SLC2A14: variants seen among roughly 807,000 people sequenced by gnomAD.
SLC2A14 encodes solute carrier family 2 member 14.
A neutral mutation model predicts 43.0 loss-of-function variants in SLC2A14; 13 were observed. The ratio of observed to expected loss-of-function variants is 0.30; its 90% CI spans 0.20 to 0.48. SLC2A14 has a LOEUF of 0.48. Ranked by LOEUF, SLC2A14 falls within the 20% of genes least tolerant of loss-of-function variation. The probability of loss-of-function intolerance (pLI) is 0.99; values close to 1 mark genes in which losing one functional copy is unlikely to be tolerated. For missense variants in SLC2A14, 428 were observed against 620.4 expected, an observed-to-expected ratio of 0.69 and a Z score of 3.29; for synonymous variants, 190 against 233.8, an observed-to-expected ratio of 0.81 and a Z score of 1.71.
chr12:7,826,858 CTTT>C (rs749060812), intron 7 of SLC2A14, among the ~76,000 whole-genome samples: 3,716 of 42,806 alleles, frequency 0.087, 541 homozygotes, highest in Middle Eastern at 0.12. Context: ...TCCTTCCTTT[CTTT>C]TTTCTTTCTT....
chr12:7,823,153 C>A (rs7134533), intron 7 of SLC2A14, among the ~76,000 whole-genome samples: 92,515 of 151,874 alleles, frequency 0.61, 28,409 homozygotes, highest in African/African-American at 0.69. Flanking sequence ...GAGCCCAAGG[C>A]TGGTGGATAA....
upstream of SLC2A14, among the ~76,000 whole-genome samples, chr12:7,877,242 C>T (rs1015498953): frequency 1.2e-4 from 18 of 152,014 alleles, no homozygotes; most frequent in African/African-American, 4.1e-4. Flanking sequence ...AGGTGATCCA[C>T]CCGCCTCGGC....
rs780756376 is a variant in SLC2A14, at chr12:7,831,710, A to T, written c.166T>A (p.Ser56Thr). ...TLTDKANAPP[S>T]EVLLTNLWSL... The stretch of plus-strand genomic sequence containing the variant: ...CAGAGATTCGTGAGCAGCACCTCAG[A>T]GGGAGGGGCATTTGCCTTGTCCGTC... The change falls in exon 4 of 11, where the codon TCT becomes ACT. Residue 56 changes from serine to threonine, a missense_variant. This residue lies in a region of SLC2A14 where 122 missense variants were observed against 128.8 expected (regional missense o/e 0.95). Coordinates refer to ENST00000431042, the MANE Select transcript of SLC2A14 (RefSeq NM_001286234.2). 3 of 1,614,244 alleles carry T rather than the reference A, an allele frequency of 1.9e-6. No individual in the cohort carries two copies. Among genetic ancestry groups the T allele is most frequent in the Middle Eastern group, 1.6e-4 (1 of 6,062 alleles).
chr12:7,849,998 T>C (rs1378787989), intron 2 of SLC2A14, among the ~76,000 whole-genome samples: 1 of 145,784 alleles, frequency 6.9e-6, no homozygotes, highest in Non-Finnish European at 1.5e-5. Flanking sequence ...AAAGTTACAA[T>C]GTGGTGCTGG....
chr12:7,823,476 A>C (rs1380076676), intron 7 of SLC2A14, among the ~76,000 whole-genome samples: 1 of 152,176 alleles, frequency 6.6e-6, no homozygotes, highest in Non-Finnish European at 1.5e-5. Context: ...TAATCCCAGC[A>C]ATTTGGGAGG....
At chr12:7,838,191 G>T (rs1334881462) in intron 2 of SLC2A14, among the ~76,000 whole-genome samples, 3 of 151,400 alleles carry the variant, frequency 2.0e-5, no homozygotes, top group Non-Finnish European at 4.4e-5. Flanking sequence ...ACGTTCAAGT[G>T]ATTCTCCTGC....
At chr12:7,884,872 G>T (rs745623983) in intron 1 of SLC2A14, among the ~76,000 whole-genome samples, 2 of 151,402 alleles carry the variant, frequency 1.3e-5, no homozygotes, top group Admixed American at 6.6e-5. Flanking sequence ...TTGGGTCAAA[G>T]ATCCCCTGAG....
chr12:7,873,347 AAG>A (rs947472479), upstream of SLC2A14: 123 of 985,290 alleles, frequency 1.2e-4, no homozygotes, highest in Non-Finnish European at 2.8e-5. Context: ...AGATCCTGTA[AAG>A]AGTTATTTCG....
rs139736251 is a variant in SLC2A14 at position 7,884,656 on chromosome 12, C to T, written c.132+6340G>A. Among the ~76,000 whole-genome samples the T allele has an allele frequency of 2.5e-4, 38 of 152,262 alleles. No individual in the cohort carries two copies. In the East Asian group the frequency reaches 6.6e-3, roughly 26 times the overall value. On this transcript the variant is annotated intron_variant, in intron 1 of 9. Coordinates refer to the SLC2A14 transcript ENST00000539924. The stretch of plus-strand genomic sequence containing the variant: ...CTCTCTCAACATCATCATCACTTCA[C>T]CTTCCTCAACTCTGCCCACATGTTC...
At chr12:7,829,691 A>C in intron 5 of SLC2A14, 75 bp downstream of exon 5, 2 of 1,563,150 alleles carry the variant, frequency 1.3e-6, no homozygotes, top group Non-Finnish European at 8.7e-7. Flanking sequence ...GATATTCTTC[A>C]GTGCTTTACC....
chr12:7,852,309 A>G (rs976745868), intron 2 of SLC2A14, among the ~76,000 whole-genome samples: 2 of 152,130 alleles, frequency 1.3e-5, no homozygotes. Context: ...TGTTAATATT[A>G]AAAAAATTAT....
At chr12:7,845,321 C>G (rs907247458) in intron 2 of SLC2A14, among the ~76,000 whole-genome samples, 1 of 152,096 alleles carries the variant, frequency 6.6e-6, no homozygotes, top group Non-Finnish European at 1.5e-5. Context: ...CTCCTCCATT[C>G]CCAAAGGAAA....
intron 1 of SLC2A14, among the ~76,000 whole-genome samples, chr12:7,881,421 C>T (rs1945570004): frequency 6.6e-6 from 1 of 152,012 alleles, no homozygotes; most frequent in Non-Finnish European, 1.5e-5. Flanking sequence ...GGATTTAGCA[C>T]CTGGGCCAGC....
intron 2 of SLC2A14, among the ~76,000 whole-genome samples, chr12:7,833,104 A>C (rs1865166647): frequency 6.6e-6 from 1 of 152,196 alleles, no homozygotes; most frequent in Non-Finnish European, 1.5e-5. Context: ...AATATTTAAA[A>C]ACCTGCATCA....
intron 1 of SLC2A14, among the ~76,000 whole-genome samples, chr12:7,878,997 A>AC (rs1181744585): frequency 2.3e-5 from 3 of 130,930 alleles, no homozygotes; most frequent in Admixed American, 7.6e-5. Flanking sequence ...AAAAAAAAAA[A>AC]AAAAAAAACA....
chr12:7,866,089 C>T (rs147920097), intron 2 of SLC2A14, among the ~76,000 whole-genome samples: 6 of 151,848 alleles, frequency 4.0e-5, no homozygotes, highest in African/African-American at 4.8e-5. Context: ...TGGTGGCGTG[C>T]GCTTGTACCC....
chr12:7,874,651 C>T (rs1372281105), upstream of SLC2A14, among the ~76,000 whole-genome samples: 3 of 146,856 alleles, frequency 2.0e-5, no homozygotes, highest in African/African-American at 7.6e-5. Flanking sequence ...CAGCCTGGGC[C>T]AGAGAGCAAG....
intron 1 of SLC2A14, among the ~76,000 whole-genome samples, chr12:7,885,515 AG>A (rs2087138101): frequency 6.6e-6 from 1 of 151,198 alleles, no homozygotes; most frequent in African/African-American, 2.4e-5. Flanking sequence ...TTAATGTTTT[AG>A]CTATTGGAAA....
intron 1 of SLC2A14, among the ~76,000 whole-genome samples, chr12:7,883,991 T>A (rs1458246928): frequency 2.7e-5 from 4 of 150,664 alleles, no homozygotes; most frequent in African/African-American, 9.8e-5. Flanking sequence ...TGGCACAATC[T>A]CGGCTCACTG....
Sources: gnomAD v4.1 joint callset for allele counts (sites outside exome capture counted in the v4.1 genomes callset) on GRCh38, gnomAD v4.1.1 for gene constraint, gnomAD v4.1.1 regional missense constraint, MANE v1.5 for transcripts, NCBI Gene and HGNC (gene_info 2026-07-23, HGNC 2026-07-21) for gene names.